The following RPH3AL variants were observed in gnomAD, a reference collection of about 807,000 sequenced individuals.
RPH3AL encodes the protein rabphilin 3A like (without C2 domains).
Under a neutral mutation model 43.1 loss-of-function variants are expected in RPH3AL, and 38 were observed. The ratio of observed to expected loss-of-function variants is 0.88; its 90% CI spans 0.68 to 1.15. The LOEUF is 1.15. Among genes scored for constraint, RPH3AL ranks in the 50% most tolerant of loss-of-function variants. The probability of loss-of-function intolerance (pLI) is 0.00; values close to 1 mark genes in which losing one functional copy is unlikely to be tolerated. For missense variants in RPH3AL, 462 were observed against 423.2 expected (o/e 1.09, Z -0.81); for synonymous variants, 189 against 176.3 (o/e 1.07, Z -0.57).
chr17:248,917 G>A (rs559151412), intron 6 of RPH3AL, among the ~76,000 whole-genome samples: 30 of 152,124 alleles, frequency 2.0e-4, no homozygotes, highest in Non-Finnish European at 3.2e-4. Context: ...CCTTCCGCTC[G>A]AGGCTCCAGG....
chr17:282,193 C>T (rs180967083), intron 5 of RPH3AL, among the ~76,000 whole-genome samples: 7 of 152,322 alleles, frequency 4.6e-5, no homozygotes, highest in Middle Eastern at 3.4e-3. Flanking sequence ...CAGGCAAACA[C>T]GACAGCACGT....
intron 5 of RPH3AL, among the ~76,000 whole-genome samples, chr17:298,712 A>ACC (rs1555563852): frequency 6.6e-6 from 1 of 151,334 alleles, no homozygotes; most frequent in Non-Finnish European, 1.5e-5. Context: ...CTCAAAAAAA[A>ACC]AAAAAAACTC....
intron 6 of RPH3AL, chr17:261,816 T>C (rs1473476453): frequency 6.6e-6 from 1 of 152,146 alleles, no homozygotes; most frequent in Non-Finnish European, 1.5e-5. Flanking sequence ...AAACACAGGA[T>C]CCTGGAAACA....
chr17:333,027 A>G lies in RPH3AL; in HGVS notation c.-37+732T>C, dbSNP rs1467082573. On this transcript the variant is annotated intron_variant, in intron 2 of 9. Transcript: ENST00000331302. This position sits in a 1 kb window ranked among gnomAD's most constrained non-coding sequence, Gnocchi z 4.5. ...TCAGCCCCAGGCAACTTCCTGAGACAGATCGGTAAAAACAACCCCTTCTTC... is the reference window on the plus strand; with the variant it reads ...TCAGCCCCAGGCAACTTCCTGAGACGGATCGGTAAAAACAACCCCTTCTTC... 12 of 1,289,014 alleles carry G rather than the reference A, an allele frequency of 9.3e-6. No homozygotes were observed. Among genetic ancestry groups the G allele is most frequent in the Non-Finnish European group, 1.2e-5 (12 of 988,672 alleles). 79.8% of individuals were successfully genotyped at this position (1,289,014 alleles called of 1,614,324 possible).
At chr17:263,270 CAAAGTCACA>C (rs1299992915) in intron 6 of RPH3AL, among the ~76,000 whole-genome samples, 2 of 152,120 alleles carry the variant, frequency 1.3e-5, no homozygotes, top group Non-Finnish European at 2.9e-5. Flanking sequence ...AAATATTATA[CAAAGTCACA>C]AACTTAATCA....
At chr17:345,484 G>A (rs1242440231) in intron 1 of RPH3AL, among the ~76,000 whole-genome samples, 1 of 134,492 alleles carries the variant, frequency 7.4e-6, no homozygotes, top group African/African-American at 2.5e-5. Context: ...GAATCCCTGG[G>A]GTTTCTACGC....
Position 278,131 on chromosome 17 carries a change from C to T in RPH3AL, c.438+3637G>A, listed in dbSNP as rs143825358. 1.6e-3 allele frequency among the ~76,000 whole-genome samples: 237 copies of T among 152,126 alleles called. 1 individual carries two copies. Among genetic ancestry groups the T allele is most frequent in the Non-Finnish European group, 1.9e-3 (128 of 67,994 alleles). ...TAATTCCCAAGTGTTGTGGGAGGGA[C>T]CCAGTGGGAGGTAATTGAATCATGG... On this transcript the variant is annotated intron_variant, in intron 6 of 9. Transcript: ENST00000331302.
At position 245,302 on chromosome 17, in the gene RPH3AL, T is replaced by G. The variant is rs531457937; in HGVS notation, c.613+1809A>C. Among the ~76,000 whole-genome samples, 15 of 150,500 alleles carry G rather than the reference T, an allele frequency of 1.0e-4. No homozygotes were observed. The highest frequency in any genetic ancestry group is 1.9e-4 in the Non-Finnish European group (13 of 67,682). ...GTGTGTACGTGGGTGTGTGTGTGGA[T>G]GTGTGTGTGGATGTGGATGTCAGTG... On this transcript the variant is annotated intron_variant, in intron 7 of 9. Coordinates refer to ENST00000331302, the MANE Select transcript of RPH3AL (RefSeq NM_006987.4). This position sits in a 1 kb window ranked among gnomAD's most constrained non-coding sequence, Gnocchi z 5.9.
At chr17:248,739 G>A (rs1478465835) in intron 6 of RPH3AL, among the ~76,000 whole-genome samples, 2 of 152,230 alleles carry the variant, frequency 1.3e-5, no homozygotes, top group African/African-American at 4.8e-5. Context: ...GCTTCCACAT[G>A]CTCGCTGTGT....
chr17:250,621 G>A lies in RPH3AL; in HGVS notation c.439-3336C>T, dbSNP rs111642720. Reference sequence around the variant, plus strand: ...CTCAGGGCCTTTACTAAGCTCCCTCGCTGCGGGACCTCTCAGAGCCTTTAC... The same window carrying A: ...CTCAGGGCCTTTACTAAGCTCCCTCACTGCGGGACCTCTCAGAGCCTTTAC... On this transcript the variant is annotated intron_variant, in intron 6 of 9. Transcript: ENST00000331302. Among the ~76,000 whole-genome samples, 166 of 131,432 alleles carry A rather than the reference G, an allele frequency of 1.3e-3. No homozygotes were observed. In the Middle Eastern group the frequency reaches 0.017, roughly 13 times the overall value. 86.2% of individuals were successfully genotyped at this position (131,432 alleles called of 152,430 possible).
At chr17:299,151 C>T (rs1048735944) in intron 5 of RPH3AL, among the ~76,000 whole-genome samples, 7 of 152,148 alleles carry the variant, frequency 4.6e-5, no homozygotes, top group Non-Finnish European at 8.8e-5. Context: ...GAATGAGACT[C>T]GTCCACAGTC....
At chr17:337,809 G>A (rs1342856996) in intron 1 of RPH3AL, among the ~76,000 whole-genome samples, 1 of 152,234 alleles carries the variant, frequency 6.6e-6, no homozygotes, top group Non-Finnish European at 1.5e-5. Flanking sequence ...CCCTCATGGG[G>A]CACACGTAGG....
intron 5 of RPH3AL, among the ~76,000 whole-genome samples, chr17:310,355 C>G (rs1261122880): frequency 3.9e-5 from 6 of 152,094 alleles, no homozygotes; most frequent in Admixed American, 1.3e-4. Context: ...TAGCTTGTAG[C>G]TGCTGAACGC....
intron 5 of RPH3AL, among the ~76,000 whole-genome samples, chr17:318,685 C>T (rs746110190): frequency 1.8e-4 from 28 of 151,930 alleles, no homozygotes; most frequent in Non-Finnish European, 3.2e-4. Flanking sequence ...AATAAGAAAA[C>T]GAAAGGCAAG....
intron 5 of RPH3AL, among the ~76,000 whole-genome samples, chr17:309,248 T>C (rs1196951010): frequency 3.3e-5 from 5 of 152,188 alleles, no homozygotes; most frequent in Non-Finnish European, 7.4e-5. Context: ...TGAGCCCTGT[T>C]TGCCACTGCA....
intron 7 of RPH3AL, among the ~76,000 whole-genome samples, chr17:242,322 T>A (rs1264152087): frequency 8.5e-6 from 1 of 117,906 alleles, no homozygotes; most frequent in Non-Finnish European, 1.8e-5. Context: ...ATTGACTACC[T>A]TCCTCTATTG....
Position 215,750 on chromosome 17 carries a change from G to A in RPH3AL, c.780C>T (p.Leu260=). The change falls in exon 9 of 10, where the codon CTC becomes CTT. Residue 260 remains leucine, a synonymous_variant. Coordinates refer to ENST00000331302, the MANE Select transcript of RPH3AL (RefSeq NM_006987.4). The surrounding 1 kb of genome is among the most constrained non-coding windows in gnomAD (Gnocchi z 4.1). ...RMGFTHPPGH[L]SGCQSSLASG... ...TGGCCAGGCTGCTCTGGCACCCAGA[G>A]AGGTGGCCCGGCGGGTGGGTGAACC... The A allele has an allele frequency of 7.6e-7, 1 of 1,308,748 alleles. No homozygotes were observed. Among genetic ancestry groups the A allele is most frequent in the South Asian group, 2.6e-5 (1 of 37,970 alleles). The allele number at this position is 1,308,748 out of a possible 1,614,324, so 81.1% of individuals were successfully genotyped here.
At chr17:298,979 C>T (rs57766060) in intron 5 of RPH3AL, among the ~76,000 whole-genome samples, 9,330 of 150,312 alleles carry the variant, frequency 0.062, 458 homozygotes, top group East Asian at 0.28. Flanking sequence ...AGGCTGCAGC[C>T]GGGGAATGAA....
chr17:257,273 T>C (rs1408015949), intron 6 of RPH3AL, among the ~76,000 whole-genome samples: 21 of 20,536 alleles, frequency 1.0e-3, no homozygotes, highest in African/African-American at 2.2e-3. Context: ...ACGGCGTCTG[T>C]CCTTTTCCAT....
Sources: allele counts gnomAD v4.1 joint callset (sites outside exome capture counted in the v4.1 genomes callset), GRCh38; gene constraint gnomAD v4.1.1; non-coding constraint Gnocchi (gnomAD v3.1); transcripts MANE v1.5; gene names NCBI Gene and HGNC (gene_info 2026-07-23, HGNC 2026-07-21).